LRP1B: variants seen among roughly 807,000 people sequenced by gnomAD.
LRP1B encodes the protein low-density lipoprotein receptor-related protein 1B.
A neutral mutation model predicts 556.6 loss-of-function variants in LRP1B; 217 were observed. That is an observed-to-expected ratio of 0.39 (90% CI 0.35 to 0.44). The LOEUF (loss-of-function observed/expected upper bound fraction) is 0.44. Ranked by LOEUF, LRP1B falls within the 20% of genes least tolerant of loss-of-function variation. The pLI is 1.00. For synonymous variants in LRP1B, 2,047 were observed against 1,865.8 expected, an observed-to-expected ratio of 1.10 and a Z score of -2.50; for missense variants, 5,053 against 5,620.8, an observed-to-expected ratio of 0.90 and a Z score of 3.23.
chr2:141,266,090 C>A (rs928989541), intron 3 of LRP1B, among the ~76,000 whole-genome samples: 1 of 151,940 alleles, frequency 6.6e-6, no homozygotes, highest in African/African-American at 2.4e-5. Flanking sequence ...TTTGGGAGGC[C>A]GAGGCAGGCA....
chr2:141,013,266 T>C (rs112074518), intron 14 of LRP1B, among the ~76,000 whole-genome samples: 14 of 152,104 alleles, frequency 9.2e-5, no homozygotes, highest in African/African-American at 3.4e-4. Context: ...TTGTTTTTCT[T>C]TAAATAACTA....
At chr2:141,983,116 A>C (rs1481335440) in intron 1 of LRP1B, among the ~76,000 whole-genome samples, 2 of 152,212 alleles carry the variant, frequency 1.3e-5, no homozygotes, top group South Asian at 4.1e-4. Flanking sequence ...GGAGAACCAC[A>C]GGAGATGTTT....
chr2:140,514,180 C>G (rs1689782525), intron 51 of LRP1B, among the ~76,000 whole-genome samples: 1 of 151,836 alleles, frequency 6.6e-6, no homozygotes, highest in African/African-American at 2.4e-5. Flanking sequence ...ATAAAATAGC[C>G]ACTTTCCTTT....
At chr2:141,994,939 G>A (rs1382754005) in intron 1 of LRP1B, among the ~76,000 whole-genome samples, 5 of 152,014 alleles carry the variant, frequency 3.3e-5, no homozygotes, top group Non-Finnish European at 5.9e-5. Flanking sequence ...AGCTGAAGGG[G>A]TATTAGCACA....
chr2:142,002,415 C>A (rs1470097597), intron 1 of LRP1B, among the ~76,000 whole-genome samples: 1 of 151,952 alleles, frequency 6.6e-6, no homozygotes, highest in African/African-American at 2.4e-5. Context: ...TGGGTAGGGA[C>A]ACATCTCTAA....
At chr2:142,007,517 GT>G (rs1702838472) in intron 1 of LRP1B, among the ~76,000 whole-genome samples, 1 of 152,114 alleles carries the variant, frequency 6.6e-6, no homozygotes, top group African/African-American at 2.4e-5. Context: ...ATACGAATGG[GT>G]TCTCAGTGTA....
intron 4 of LRP1B, among the ~76,000 whole-genome samples, chr2:141,251,549 A>G (rs2105334741): frequency 6.6e-6 from 1 of 152,258 alleles, no homozygotes; most frequent in East Asian, 1.9e-4. Flanking sequence ...GACTACGGTG[A>G]TAGCCAGTGG....
chr2:140,594,536 C>T (rs569612343), intron 43 of LRP1B, among the ~76,000 whole-genome samples: 2 of 152,260 alleles, frequency 1.3e-5, no homozygotes, highest in East Asian at 1.9e-4. Flanking sequence ...ATACTGCATT[C>T]GAGGGCACAC....
At chr2:141,375,062 G>T (rs1481726342) in intron 3 of LRP1B, among the ~76,000 whole-genome samples, 1 of 152,102 alleles carries the variant, frequency 6.6e-6, no homozygotes, top group Non-Finnish European at 1.5e-5. Context: ...TATGTATGTT[G>T]TTGGTTAAGT....
chr2:140,680,335 T>C (rs1489627185), intron 41 of LRP1B, among the ~76,000 whole-genome samples: 1 of 150,726 alleles, frequency 6.6e-6, no homozygotes, highest in Non-Finnish European at 1.5e-5. Context: ...CCCAACCTTC[T>C]TGCGGGTTGC....
intron 84 of LRP1B, 95 bp downstream of exon 84, chr2:140,297,713 A>G: frequency 3.7e-6 from 5 of 1,354,610 alleles, no homozygotes; most frequent in Non-Finnish European, 4.0e-6. Flanking sequence ...AAAATAGAGG[A>G]TGGCTAAAAT....
At chr2:140,746,124 T>C (rs555402842) in intron 35 of LRP1B, among the ~76,000 whole-genome samples, 4 of 152,166 alleles carry the variant, frequency 2.6e-5, no homozygotes, top group South Asian at 4.1e-4. Flanking sequence ...TAACATATGA[T>C]TCATGATAAA....
At chr2:141,091,357 TATTAATA>T (rs1020904952) in intron 7 of LRP1B, among the ~76,000 whole-genome samples, 1 of 152,162 alleles carries the variant, frequency 6.6e-6, no homozygotes, top group Non-Finnish European at 1.5e-5. Flanking sequence ...GCTATCAAAA[TATTAATA>T]ATATTATTCA....
At chr2:140,348,420 A>G (rs960082365) in intron 77 of LRP1B, among the ~76,000 whole-genome samples, 2 of 152,076 alleles carry the variant, frequency 1.3e-5, no homozygotes, top group African/African-American at 4.8e-5. Context: ...CATGGCTCAG[A>G]GGTTCCAAAC....
chr2:140,394,762 A>G (rs1237486691), intron 66 of LRP1B, among the ~76,000 whole-genome samples: 1 of 152,136 alleles, frequency 6.6e-6, no homozygotes, highest in Non-Finnish European at 1.5e-5. Flanking sequence ...AGGCAATTAG[A>G]AGTTTCTGTC....
chr2:141,044,111 C>T (rs1022891199), intron 11 of LRP1B, among the ~76,000 whole-genome samples: 39 of 151,760 alleles, frequency 2.6e-4, no homozygotes, highest in Middle Eastern at 3.4e-3. Context: ...TCAGAAATAA[C>T]GCCGCATATC....
chr2:140,656,852 TG>T (rs1684896616), intron 41 of LRP1B, among the ~76,000 whole-genome samples: 1 of 152,140 alleles, frequency 6.6e-6, no homozygotes, highest in Admixed American at 6.5e-5. Context: ...CACAAAAGCA[TG>T]TAAATTTGAG....
At chr2:140,297,713 A>T in intron 84 of LRP1B, 95 bp downstream of exon 84, 1 of 1,354,610 alleles carries the variant, frequency 7.4e-7, no homozygotes, top group Non-Finnish European at 1.0e-6. Flanking sequence ...AAAATAGAGG[A>T]TGGCTAAAAT....
At chr2:141,185,683 C>CCAA (rs1681211556) in intron 7 of LRP1B, among the ~76,000 whole-genome samples, 1 of 74,342 alleles carries the variant, frequency 1.3e-5, no homozygotes, top group East Asian at 2.8e-4. Flanking sequence ...GAAAAACAAA[C>CCAA]AAACAAAAAA....
Sources: allele counts gnomAD v4.1 joint callset (sites outside exome capture counted in the v4.1 genomes callset), GRCh38; gene constraint gnomAD v4.1.1; transcripts MANE v1.5; gene names NCBI Gene and HGNC (gene_info 2026-07-23, HGNC 2026-07-21).